Variants in MAST4 observed in about 807,000 individuals in gnomAD.
MAST4 encodes microtubule-associated serine/threonine-protein kinase 4.
In MAST4, 89 loss-of-function variants were observed where a neutral mutation model predicts 162.7. The ratio of observed to expected loss-of-function variants is 0.55; its 90% CI spans 0.46 to 0.65. The LOEUF (loss-of-function observed/expected upper bound fraction) is 0.65. MAST4 is among the 30% of genes least tolerant of loss of function. MAST4 has a pLI of 0.00. For missense variants in MAST4, 3,153 were observed against 3,374.0 expected, an observed-to-expected ratio of 0.93 and a Z score of 1.62; for synonymous variants, 1,479 against 1,361.1, an observed-to-expected ratio of 1.09 and a Z score of -1.91.
intron 3 of MAST4, among the ~76,000 whole-genome samples, chr5:66,873,226 G>A (rs1317188807): frequency 6.6e-6 from 1 of 152,186 alleles, no homozygotes; most frequent in Admixed American, 6.5e-5. Context: ...AATTTGAGGA[G>A]GGCCTAAAAA....
At chr5:66,778,220 CA>C (rs531375588) in intron 2 of MAST4, among the ~76,000 whole-genome samples, 60 of 152,312 alleles carry the variant, frequency 3.9e-4, no homozygotes, top group African/African-American at 1.3e-3. Flanking sequence ...TAAGTTGTCA[CA>C]TTAGTCTTTG....
intron 1 of MAST4, among the ~76,000 whole-genome samples, chr5:66,718,914 C>T (rs922884263): frequency 6.6e-6 from 1 of 152,204 alleles, no homozygotes; most frequent in African/African-American, 2.4e-5. Flanking sequence ...TTAGTAATAG[C>T]TTTGTAAATT....
chr5:66,678,615 C>A (rs1748114270), intron 1 of MAST4, among the ~76,000 whole-genome samples: 1 of 151,856 alleles, frequency 6.6e-6, no homozygotes, highest in South Asian at 2.1e-4. Context: ...CTGCCTCAAC[C>A]TGCCAAGTAG....
chr5:66,935,222 A>T (rs997579352), intron 4 of MAST4, among the ~76,000 whole-genome samples: 1 of 152,230 alleles, frequency 6.6e-6, no homozygotes, highest in Non-Finnish European at 1.5e-5. Context: ...TTCATTTAAC[A>T]TGCAGAGAAT....
At chr5:66,777,208 A>T (rs1454409433) in intron 2 of MAST4, among the ~76,000 whole-genome samples, 1 of 152,212 alleles carries the variant, frequency 6.6e-6, no homozygotes, top group African/African-American at 2.4e-5. Context: ...GTTGGATGGA[A>T]CAAGAACCAG....
chr5:66,917,875 T>G lies in MAST4; in HGVS notation c.674+17893T>G, dbSNP rs961752871. On this transcript the variant is annotated intron_variant, in intron 4 of 28. Transcript: ENST00000403625. ...CATGACTTTTTTTAGCCAGTTATTT[T>G]TCCACATTGTTCTGGTTAAATTAAA... Among the ~76,000 whole-genome samples, 3 of 152,112 alleles carry G rather than the reference T, an allele frequency of 2.0e-5. No homozygotes were observed. In the South Asian group the frequency reaches 6.2e-4, roughly 32 times the overall value.
At chr5:67,162,823 A>T (rs1773352121) in intron 28 of MAST4, 35 bp downstream of exon 28, 1 of 1,595,554 alleles carries the variant, frequency 6.3e-7, no homozygotes, top group African/African-American at 1.3e-5. Flanking sequence ...AGCAGAGGGG[A>T]GGGGAGGTAA....
chr5:67,055,238 G>A (rs553777516), intron 5 of MAST4, among the ~76,000 whole-genome samples: 38 of 152,270 alleles, frequency 2.5e-4, no homozygotes, highest in Admixed American at 5.9e-4. Context: ...GGATGGAAAG[G>A]CAGAGGAAGG....
intron 7 of MAST4, among the ~76,000 whole-genome samples, chr5:67,097,201 TA>T (rs1399554351): frequency 6.6e-6 from 1 of 152,092 alleles, no homozygotes; most frequent in African/African-American, 2.4e-5. Context: ...AGTGAATCCA[TA>T]AAAAAAGGTG....
intron 7 of MAST4, among the ~76,000 whole-genome samples, chr5:67,096,971 G>A (rs1404338711): frequency 6.6e-6 from 1 of 152,114 alleles, no homozygotes; most frequent in African/African-American, 2.4e-5. Flanking sequence ...AGTCATCCTT[G>A]ATTCTTATGG....
intron 1 of MAST4, among the ~76,000 whole-genome samples, chr5:66,610,915 T>C (rs1489514899): frequency 6.6e-6 from 1 of 152,196 alleles, no homozygotes; most frequent in Admixed American, 6.5e-5. Context: ...GGCAAATAAT[T>C]TTAACACAAA....
At position 67,104,499 on chromosome 5, in the gene MAST4, A is replaced by G; in HGVS notation, c.1280A>G (p.Asp427Gly). 6.2e-7 allele frequency: 1 copy of G among 1,613,934 alleles called. No homozygotes were observed. Among genetic ancestry groups the G allele is most frequent in the Non-Finnish European group, 8.5e-7 (1 of 1,179,842 alleles). The change falls in exon 10 of 29, where the codon GAT becomes GGT. Residue 427 changes from aspartate to glycine, a missense_variant. Asp to Gly is a moderately conservative substitution (Grantham distance 94). Transcript: ENST00000403625. ...ATTGAACTGGCTCGAGATTGCTTGG[A>G]TAAATCCCACCAGGGCCTCATCACC... ...QIIELARDCL[D>G]KSHQGLITSR... is the part of the protein sequence containing the mutation.
At chr5:66,916,081 A>G (rs1321003051) in intron 4 of MAST4, among the ~76,000 whole-genome samples, 1 of 152,322 alleles carries the variant, frequency 6.6e-6, no homozygotes, top group Admixed American at 6.5e-5. Context: ...CTCATTAGTA[A>G]TTCTTATGTT....
chr5:66,859,593 A>AT (rs896357319), intron 3 of MAST4, among the ~76,000 whole-genome samples: 3 of 152,118 alleles, frequency 2.0e-5, no homozygotes, highest in African/African-American at 4.8e-5. Context: ...TTTACCACCT[A>AT]TTTTTTATCA....
chr5:67,033,315 C>CTCTGTGTGTGTGTG (rs1554084489), intron 4 of MAST4, among the ~76,000 whole-genome samples: 1,711 of 125,970 alleles, frequency 0.014, 46 homozygotes, highest in African/African-American at 0.044. Flanking sequence ...TTTCATTTCT[C>CTCTGTGTGTGTGTG]TGTGTGTGTG....
At chr5:67,042,866 C>G (rs1033221359) in intron 4 of MAST4, among the ~76,000 whole-genome samples, 1 of 152,164 alleles carries the variant, frequency 6.6e-6, no homozygotes, top group Non-Finnish European at 1.5e-5. Context: ...AAGTGGAGCT[C>G]TGGTGTCGGT....
intron 1 of MAST4, among the ~76,000 whole-genome samples, chr5:66,645,955 C>T (rs1745804455): frequency 6.6e-6 from 1 of 151,876 alleles, no homozygotes; most frequent in East Asian, 1.9e-4. Flanking sequence ...GAAATATTTT[C>T]TTCACATAAG....
At chr5:66,715,426 G>A (rs1029131441) in intron 1 of MAST4, among the ~76,000 whole-genome samples, 2 of 147,566 alleles carry the variant, frequency 1.4e-5, no homozygotes, top group Admixed American at 1.4e-4. Context: ...AAGGGCCACA[G>A]CTATCACAAC....
At chr5:66,928,711 T>A (rs995223790) in intron 4 of MAST4, among the ~76,000 whole-genome samples, 2 of 152,110 alleles carry the variant, frequency 1.3e-5, no homozygotes, top group African/African-American at 4.8e-5. Flanking sequence ...GTTGTGGAGA[T>A]TAGCTGGGGA....
Sources: gnomAD v4.1 joint callset for allele counts (sites outside exome capture counted in the v4.1 genomes callset) on GRCh38, gnomAD v4.1.1 for gene constraint, MANE v1.5 for transcripts, NCBI Gene and HGNC (gene_info 2026-07-23, HGNC 2026-07-21) for gene names.